The following NTNG1 variants were observed in gnomAD, a reference collection of about 807,000 sequenced individuals.
NTNG1 encodes the protein netrin-G1.
Under a neutral mutation model 54.0 loss-of-function variants are expected in NTNG1, and 16 were observed. That is an observed-to-expected ratio of 0.30 (90% CI 0.20 to 0.45). The LOEUF (loss-of-function observed/expected upper bound fraction) is 0.45, where lower values mean the gene tolerates loss of function less well. NTNG1 is among the 20% of genes least tolerant of loss of function. The pLI is 1.00. For synonymous variants in NTNG1, 255 were observed against 263.1 expected (o/e 0.97, Z 0.30); for missense variants, 530 against 678.7 (o/e 0.78, Z 2.43).
intron 3 of NTNG1, among the ~76,000 whole-genome samples, chr1:107,373,428 T>A (rs1272332379): frequency 6.6e-6 from 1 of 152,138 alleles, no homozygotes; most frequent in African/African-American, 2.4e-5. Context: ...TATATATATC[T>A]AATATACCTC....
chr1:107,383,278 C>CT (rs755094372), intron 3 of NTNG1, among the ~76,000 whole-genome samples: 8 of 152,170 alleles, frequency 5.3e-5, no homozygotes, highest in Non-Finnish European at 8.8e-5. Context: ...CCAGAGCCTG[C>CT]CTGAACTCTG....
chr1:107,356,528 A>G (rs1669944705), intron 3 of NTNG1, among the ~76,000 whole-genome samples: 1 of 152,066 alleles, frequency 6.6e-6, no homozygotes, highest in Non-Finnish European at 1.5e-5. Context: ...TCCTGGCCTC[A>G]AGTGATCTGC....
intron 7 of NTNG1, among the ~76,000 whole-genome samples, chr1:107,437,897 C>A (rs1234132567): frequency 3.9e-5 from 6 of 152,074 alleles, no homozygotes; most frequent in Admixed American, 3.3e-4. Flanking sequence ...CCATATTGGA[C>A]AGCACAGCCC....
At chr1:107,432,940 G>T (rs1289407788) in intron 6 of NTNG1, among the ~76,000 whole-genome samples, 1 of 152,026 alleles carries the variant, frequency 6.6e-6, no homozygotes, top group Non-Finnish European at 1.5e-5. Context: ...GTTTTAAGAG[G>T]TATAGTTCAG....
intron 5 of NTNG1, among the ~76,000 whole-genome samples, chr1:107,420,615 G>A (rs1674515634): frequency 6.6e-6 from 1 of 152,004 alleles, no homozygotes; most frequent in African/African-American, 2.4e-5. Context: ...CTGCTGAATG[G>A]CTGACTATTG....
intron 2 of NTNG1, among the ~76,000 whole-genome samples, chr1:107,238,454 A>C (rs939875133): frequency 6.6e-6 from 1 of 152,170 alleles, no homozygotes; most frequent in Non-Finnish European, 1.5e-5. Context: ...TTGGGAAGGC[A>C]TGATTGGTTT....
intron 2 of NTNG1, among the ~76,000 whole-genome samples, chr1:107,168,660 C>G (rs935454676): frequency 6.6e-6 from 1 of 152,094 alleles, no homozygotes; most frequent in African/African-American, 2.4e-5. Flanking sequence ...GGAATAAGCA[C>G]ATTGTATTAT....
chr1:107,211,702 A>G (rs1224411178), intron 2 of NTNG1, among the ~76,000 whole-genome samples: 2 of 152,196 alleles, frequency 1.3e-5, no homozygotes, highest in Non-Finnish European at 2.9e-5. Context: ...TGTCTGCTTA[A>G]TTACTTGAAA....
At chr1:107,151,376 G>A (rs182138751) in intron 2 of NTNG1, among the ~76,000 whole-genome samples, 4,079 of 152,166 alleles carry the variant, frequency 0.027, 189 homozygotes, top group African/African-American at 0.092. Flanking sequence ...AGGGTGTAAT[G>A]GGGATTCATA....
chr1:107,285,461 C>T (rs184838158), intron 2 of NTNG1, among the ~76,000 whole-genome samples: 1 of 152,160 alleles, frequency 6.6e-6, no homozygotes, highest in Admixed American at 6.6e-5. Context: ...GGCTTGTATT[C>T]ACACAAGGAT....
At chr1:107,178,051 A>G (rs1343859590) in intron 2 of NTNG1, among the ~76,000 whole-genome samples, 1 of 152,132 alleles carries the variant, frequency 6.6e-6, no homozygotes, top group Non-Finnish European at 1.5e-5. Context: ...TTACACTACT[A>G]TTCACAGTGT....
At chr1:107,301,240 G>T (rs1485230040) in intron 2 of NTNG1, among the ~76,000 whole-genome samples, 1 of 152,080 alleles carries the variant, frequency 6.6e-6, no homozygotes, top group Non-Finnish European at 1.5e-5. Context: ...ATCTTTAAAA[G>T]ACTTCATATG....
chr1:107,335,163 T>C (rs7413641), intron 3 of NTNG1, among the ~76,000 whole-genome samples: 13,839 of 152,052 alleles, frequency 0.091, 740 homozygotes, highest in East Asian at 0.16. Flanking sequence ...GAAATTGTGA[T>C]CCTTAATCCC....
At chr1:107,321,401 C>T (rs1015604553) in intron 2 of NTNG1, among the ~76,000 whole-genome samples, 1 of 152,036 alleles carries the variant, frequency 6.6e-6, no homozygotes, top group Admixed American at 6.6e-5. Flanking sequence ...GACATTTGCC[C>T]TGAGCTGGCT....
chr1:107,164,543 A>G (rs1655632002), intron 2 of NTNG1, among the ~76,000 whole-genome samples: 1 of 152,222 alleles, frequency 6.6e-6, no homozygotes, highest in Non-Finnish European at 1.5e-5. Context: ...CTCATAGCGA[A>G]AGCAGAGAGA....
chr1:107,483,046 G>A lies in NTNG1; in HGVS notation c.*2206G>A, dbSNP rs1162558941. 5 of 152,134 alleles carry A rather than the reference G, an allele frequency of 3.3e-5. No homozygotes were observed. Among genetic ancestry groups the A allele is most frequent in the Non-Finnish European group, 7.3e-5 (5 of 68,034 alleles). The allele number at this position is 152,134 out of a possible 1,614,324, so 9.4% of individuals were successfully genotyped here. On this transcript the variant is annotated 3_prime_UTR_variant, in exon 8 of 8. Coordinates refer to ENST00000370068, the MANE Select transcript of NTNG1 (RefSeq NM_001113226.3). ...GCATAAATAGAAAATTATATTTCAGGCTCACCAAAGAAACACATGAAAATG... is the reference window on the plus strand; with the variant it reads ...GCATAAATAGAAAATTATATTTCAGACTCACCAAAGAAACACATGAAAATG...
chr1:107,348,643 C>T (rs1347190369), intron 3 of NTNG1, among the ~76,000 whole-genome samples: 1 of 152,126 alleles, frequency 6.6e-6, no homozygotes, highest in African/African-American at 2.4e-5. Context: ...GGGTAATGAA[C>T]ATTTTAGTAA....
At chr1:107,277,659 A>AT (rs1383018525) in intron 2 of NTNG1, among the ~76,000 whole-genome samples, 1 of 152,198 alleles carries the variant, frequency 6.6e-6, no homozygotes, top group Non-Finnish European at 1.5e-5. Context: ...TAATGAGTAG[A>AT]TGTTCTACTA....
At chr1:107,264,885 A>T (rs541733891) in intron 2 of NTNG1, among the ~76,000 whole-genome samples, 1 of 152,276 alleles carries the variant, frequency 6.6e-6, no homozygotes, top group African/African-American at 2.4e-5. Context: ...CCCGAAATAA[A>T]GGTTTTGATC....
Sources: gnomAD v4.1 joint callset for allele counts (sites outside exome capture counted in the v4.1 genomes callset) on GRCh38, gnomAD v4.1.1 for gene constraint, MANE v1.5 for transcripts, NCBI Gene and HGNC (gene_info 2026-07-23, HGNC 2026-07-21) for gene names.